UNC5B: variants seen among roughly 807,000 people sequenced by gnomAD.
UNC5B encodes the protein unc-5 netrin receptor B.
A neutral mutation model predicts 103.7 loss-of-function variants in UNC5B; 56 were observed. The observed-to-expected ratio is 0.54, with a 90% confidence interval of 0.44 to 0.67. UNC5B has a LOEUF of 0.67. Among genes scored for constraint, UNC5B ranks in the 30% least tolerant of loss-of-function variants. The probability of loss-of-function intolerance (pLI) is 0.00; values close to 1 mark genes in which losing one functional copy is unlikely to be tolerated. For missense variants in UNC5B, 1,194 were observed against 1,284.5 expected (o/e 0.93, Z 1.08); for synonymous variants, 577 against 542.0 (o/e 1.06, Z -0.90).
intron 1 of UNC5B, chr10:71,218,064 T>G (rs1366068547): frequency 6.7e-6 from 1 of 149,872 alleles, no homozygotes. Context: ...GAGTATGTAT[T>G]AAGGAGTGTG....
intron 1 of UNC5B, among the ~76,000 whole-genome samples, chr10:71,249,594 T>G (rs555078548): frequency 2.1e-4 from 32 of 152,268 alleles, no homozygotes; most frequent in Non-Finnish European, 4.6e-4. Context: ...AATGTGGCTT[T>G]CCAGCTGTCA....
intron 1 of UNC5B, among the ~76,000 whole-genome samples, chr10:71,233,577 C>T (rs533974228): frequency 2.6e-5 from 4 of 152,182 alleles, no homozygotes; most frequent in East Asian, 1.9e-4. Flanking sequence ...AGGTGGCCAC[C>T]GTCCCAGCCT....
At position 71,213,013 on chromosome 10, in the gene UNC5B, G is replaced by C. The variant is rs61757568; in HGVS notation, c.28G>C (p.Ala10Pro). ...GGGGGCCCGGAGCGGAGCTCGGGGC[G>C]CGCTGCTGCTGGCACTGCTGCTCTG... MGARSGARGALLLALLLCWD... is the reference protein window; with the variant it reads MGARSGARGPLLLALLLCWD... Residue 10 changes from alanine to proline, a missense_variant, in exon 1 of 17, where the codon GCG becomes CCG. Coordinates refer to ENST00000335350, the MANE Select transcript of UNC5B (RefSeq NM_170744.5). This position sits in a 1 kb window ranked among gnomAD's most constrained non-coding sequence, Gnocchi z 4.1. 4 of 1,416,568 alleles carry C rather than the reference G, an allele frequency of 2.8e-6. No homozygotes were observed. The highest frequency in any genetic ancestry group is 2.9e-5 in the African/African-American group (2 of 68,350). 87.7% of individuals were successfully genotyped at this position (1,416,568 alleles called of 1,614,324 possible). A position where few individuals can be genotyped will look rare whatever the true frequency, so the allele number is the denominator to read the frequency against.
chr10:71,222,010 A>G (rs746393980), intron 1 of UNC5B, among the ~76,000 whole-genome samples: 2 of 152,148 alleles, frequency 1.3e-5, no homozygotes, highest in Non-Finnish European at 2.9e-5. Context: ...CATCATCATC[A>G]TCATCATCAT....
chr10:71,295,750 A>G, intron 13 of UNC5B, 61 bp from the exon 14 acceptor site: 1 of 1,577,168 alleles, frequency 6.3e-7, no homozygotes, highest in African/African-American at 1.4e-5. Context: ...GCACAGTGCC[A>G]CAGAAGAGGC....
intron 9 of UNC5B, 140 bp downstream of exon 9, chr10:71,291,249 G>C (rs1051632695): frequency 7.5e-7 from 1 of 1,324,688 alleles, no homozygotes; most frequent in Non-Finnish European, 1.0e-6. Flanking sequence ...TATGTGGATG[G>C]GTATGGATTA....
At chr10:71,238,417 T>C (rs1229163904) in intron 1 of UNC5B, among the ~76,000 whole-genome samples, 1 of 152,122 alleles carries the variant, frequency 6.6e-6, no homozygotes, top group Non-Finnish European at 1.5e-5. Context: ...TCAGAATGTC[T>C]TGTGGTTTCT....
chr10:71,237,370 G>A (rs1450270476), intron 1 of UNC5B, among the ~76,000 whole-genome samples: 2 of 152,120 alleles, frequency 1.3e-5, no homozygotes, highest in East Asian at 1.9e-4. Context: ...ACCCCATAAC[G>A]TCTCCATGAG....
At position 71,293,847 on chromosome 10, in the gene UNC5B, C is replaced by G. The variant is rs756624737; in HGVS notation, c.2089C>G (p.Leu697Val). 6.2e-7 allele frequency: 1 copy of G among 1,610,834 alleles called. No homozygotes were observed. The highest frequency in any genetic ancestry group is 1.3e-5 in the African/African-American group (1 of 75,006). Residue 697 changes from leucine to valine, a missense_variant, in exon 13 of 17, where the codon CTG becomes GTG. Transcript: ENST00000335350. ...CCGCTCAGCAGTCAAGCGGCTCCAG[C>G]TGGCCGTCTTCGCCCCCGCCCTCTG... Reference protein sequence around the residue: ...YSRSAVKRLQLAVFAPALCTS... With the variant: ...YSRSAVKRLQVAVFAPALCTS...
chr10:71,227,619 T>C (rs11498011), intron 1 of UNC5B, among the ~76,000 whole-genome samples: 19 of 129,756 alleles, frequency 1.5e-4, no homozygotes, highest in East Asian at 8.3e-4. Context: ...TACATATATA[T>C]ACATATATAC....
At chr10:71,225,436 G>C (rs563186825) in intron 1 of UNC5B, among the ~76,000 whole-genome samples, 1 of 152,238 alleles carries the variant, frequency 6.6e-6, no homozygotes, top group African/African-American at 2.4e-5. Flanking sequence ...AGTGACAAGA[G>C]TTTTAGCCAC....
At chr10:71,240,545 G>A (rs375099395) in intron 1 of UNC5B, among the ~76,000 whole-genome samples, 19 of 152,170 alleles carry the variant, frequency 1.2e-4, no homozygotes, top group East Asian at 1.2e-3. Context: ...CCCATCCCTC[G>A]CCCTGTCTTC....
rs1340655582 is a variant in UNC5B, at chr10:71,285,407, C to T, written c.530C>T (p.Pro177Leu). ...GAGGTTCTCCTGCAGTGCCGCCCGC[C>T]GGAGGGGGTGCCTGTGGCCGAGGTG... ...DHEVLLQCRP[P>L]EGVPVAEVEW... The change falls in exon 4 of 17, where the codon CCG (proline) becomes CTG (leucine). Residue 177 changes from proline to leucine, a missense_variant. Pro to Leu is a moderately conservative substitution (Grantham distance 98, BLOSUM62 -3). Transcript: ENST00000335350. 5.0e-6 allele frequency: 8 copies of T among 1,604,178 alleles called. No individual in the cohort carries two copies. The highest frequency in any genetic ancestry group is 2.2e-5 in the East Asian group (1 of 44,568).
rs775292756 is a variant in UNC5B at position 71,297,961 on chromosome 10, C to T, written c.2543C>T (p.Thr848Ile). ...TGCTCTGCCCCTGGCAGCACTGTCA[C>T]CACCCAGCTGGGACCTTATGCCTTC... ...TLCSAPGSTV[T>I]TQLGPYAFKI... Residue 848 changes from threonine to isoleucine, a missense_variant, in exon 16 of 17, where the codon ACC (threonine) becomes ATC (isoleucine). By Grantham distance (89) the Thr-to-Ile change is moderately conservative (BLOSUM62 -1). Coordinates refer to ENST00000335350, the MANE Select transcript of UNC5B (RefSeq NM_170744.5). 5.6e-6 allele frequency: 9 copies of T among 1,613,986 alleles called. No homozygotes were observed. In the South Asian group the frequency reaches 7.7e-5, roughly 14 times the overall value.
rs147715655 is a variant in UNC5B, at chr10:71,244,712, G to A, written c.79+31648G>A. Among the ~76,000 whole-genome samples, 906 of 152,350 alleles carry A rather than the reference G, an allele frequency of 5.9e-3. 1 individual carries two copies. Among genetic ancestry groups the A allele is most frequent in the African/African-American group, 0.012 (486 of 41,576 alleles). On this transcript the variant is annotated intron_variant, in intron 1 of 16. Transcript: ENST00000335350. ...GCGGATCCTGAGAGCTAGGATGTCCGCTTCCGAGAACCCGCGATCTGCAGC... is the reference window on the plus strand; with the variant it reads ...GCGGATCCTGAGAGCTAGGATGTCCACTTCCGAGAACCCGCGATCTGCAGC...
rs182332554 is a variant in UNC5B, at chr10:71,230,557, C to T, written c.79+17493C>T. Among the ~76,000 whole-genome samples the T allele has an allele frequency of 3.6e-3, 554 of 152,406 alleles. 5 individuals carry two copies. The highest frequency in any genetic ancestry group is 0.013 in the African/African-American group (531 of 41,606). On this transcript the variant is annotated intron_variant, in intron 1 of 16. Transcript: ENST00000335350. ...AACCAGCCACCTTCTCTCTGCCCTC[C>T]CCACCTCATCAGGCCTCCGGCCCTG...
chr10:71,284,887 T>C, intron 3 of UNC5B, 24 bp downstream of exon 3: 1 of 1,568,296 alleles, frequency 6.4e-7, no homozygotes, highest in Non-Finnish European at 8.6e-7. Context: ...ACCCCCACCC[T>C]GTCCCTGCAG....
intron 1 of UNC5B, among the ~76,000 whole-genome samples, chr10:71,279,539 T>C (rs1193953489): frequency 6.6e-6 from 1 of 152,180 alleles, no homozygotes; most frequent in Non-Finnish European, 1.5e-5. Context: ...GGGACCTCCT[T>C]GGCCTCTCTG....
intron 1 of UNC5B, among the ~76,000 whole-genome samples, chr10:71,252,080 TG>T (rs1225807680): frequency 6.6e-6 from 1 of 152,358 alleles, no homozygotes; most frequent in East Asian, 1.9e-4. Flanking sequence ...CCCAAATGCC[TG>T]TGCTTTAAAA....
Sources: gnomAD v4.1 joint callset for allele counts (sites outside exome capture counted in the v4.1 genomes callset) on GRCh38, gnomAD v4.1.1 for gene constraint, Gnocchi (gnomAD v3.1) non-coding constraint, MANE v1.5 for transcripts, NCBI Gene and HGNC (gene_info 2026-07-23, HGNC 2026-07-21) for gene names.